Variants in FHIT observed in about 807,000 individuals in gnomAD.
FHIT encodes the protein bis(5'-adenosyl)-triphosphatase.
Under a neutral mutation model 17.9 loss-of-function variants are expected in FHIT, and 19 were observed. The ratio of observed to expected loss-of-function variants is 1.06; its 90% CI spans 0.74 to 1.56. The LOEUF is 1.56. FHIT is among the 40% of genes most tolerant of loss of function. FHIT has a pLI of 0.00. For missense variants in FHIT, 248 were observed against 189.2 expected, an observed-to-expected ratio of 1.31 and a Z score of -1.82; for synonymous variants, 81 against 69.7, an observed-to-expected ratio of 1.16 and a Z score of -0.81.
intron 5 of FHIT, among the ~76,000 whole-genome samples, chr3:60,432,909 A>C (rs953479): frequency 0.17 from 15,207 of 91,112 alleles, 1,255 homozygotes; most frequent in South Asian, 0.52. Context: ...ATTTGCTAGA[A>C]GAATTGTCTT....
chr3:60,761,122 A>C (rs1321384750), intron 4 of FHIT, among the ~76,000 whole-genome samples: 2 of 152,194 alleles, frequency 1.3e-5, no homozygotes, highest in Non-Finnish European at 2.9e-5. Context: ...ATTAAAATTT[A>C]AAATGTCCTG....
In FHIT at chr3:60,829,441, T is replaced by C. The variant is rs192516400; in HGVS notation, c.-110-7430A>G. Among the ~76,000 whole-genome samples, 11 of 152,358 alleles carry C rather than the reference T, an allele frequency of 7.2e-5. 1 individual carries two copies. The highest frequency in any genetic ancestry group is 3.4e-3 in the Middle Eastern group (1 of 294). The stretch of plus-strand genomic sequence containing the variant: ...TTTATTCCATGGGCCTACCAACTTA[T>C]ACTACTAAAGATGGCCATGTTTCTC... On this transcript the variant is annotated intron_variant, in intron 3 of 9. Coordinates refer to ENST00000492590, the MANE Select transcript of FHIT (RefSeq NM_002012.4).
intron 3 of FHIT, among the ~76,000 whole-genome samples, chr3:60,910,021 C>T (rs1706647652): frequency 6.6e-6 from 1 of 152,132 alleles, no homozygotes; most frequent in African/African-American, 2.4e-5. Context: ...TAGAAATGAA[C>T]ACCTATTATT....
At chr3:61,136,588 A>C (rs2036922208) in intron 2 of FHIT, among the ~76,000 whole-genome samples, 1 of 152,206 alleles carries the variant, frequency 6.6e-6, no homozygotes, top group African/African-American at 2.4e-5. Context: ...CCCTCAAAGA[A>C]CTGAATATCT....
At chr3:59,883,103 T>C (rs992671819) in intron 8 of FHIT, among the ~76,000 whole-genome samples, 7 of 152,184 alleles carry the variant, frequency 4.6e-5, no homozygotes, top group African/African-American at 1.7e-4. Context: ...CAAGAGCTGT[T>C]TGTATAATTT....
intron 5 of FHIT, among the ~76,000 whole-genome samples, chr3:60,092,344 T>A (rs1230603468): frequency 6.6e-6 from 1 of 152,212 alleles, no homozygotes; most frequent in Non-Finnish European, 1.5e-5. Flanking sequence ...CAAGTCAACT[T>A]CTTCATCTGG....
intron 8 of FHIT, among the ~76,000 whole-genome samples, chr3:59,843,494 T>C (rs557028011): frequency 4.7e-4 from 72 of 152,168 alleles, no homozygotes; most frequent in Middle Eastern, 3.2e-3. Context: ...GTTAAGTCTA[T>C]AGATCGCTTT....
intron 4 of FHIT, among the ~76,000 whole-genome samples, chr3:60,690,935 C>G (rs1388228857): frequency 6.6e-6 from 1 of 151,476 alleles, no homozygotes; most frequent in Non-Finnish European, 1.5e-5. Flanking sequence ...TATTTTGTAC[C>G]ATATAGTGTG....
intron 5 of FHIT, among the ~76,000 whole-genome samples, chr3:60,225,754 G>A (rs1020613251): frequency 3.3e-5 from 5 of 152,294 alleles, no homozygotes; most frequent in South Asian, 2.1e-4. Context: ...AAACTGCATT[G>A]TAACTGAAGA....
At chr3:61,105,801 G>T (rs1199732023) in intron 2 of FHIT, among the ~76,000 whole-genome samples, 1 of 152,156 alleles carries the variant, frequency 6.6e-6, no homozygotes, top group Non-Finnish European at 1.5e-5. Context: ...AAAAGGTCTG[G>T]TTCTTTCCTA....
chr3:60,991,200 C>G (rs1398187829), intron 3 of FHIT, among the ~76,000 whole-genome samples: 2 of 152,154 alleles, frequency 1.3e-5, no homozygotes, highest in African/African-American at 4.8e-5. Context: ...TGGAGAGGAG[C>G]ATTCCTGGCA....
chr3:59,898,081 T>C (rs775468530), intron 8 of FHIT, among the ~76,000 whole-genome samples: 6 of 152,136 alleles, frequency 3.9e-5, no homozygotes, highest in Non-Finnish European at 5.9e-5. Context: ...ATCTGAAACT[T>C]TTTGAGCACC....
At chr3:60,299,434 A>T (rs1034943713) in intron 5 of FHIT, among the ~76,000 whole-genome samples, 1 of 152,116 alleles carries the variant, frequency 6.6e-6, no homozygotes, top group African/African-American at 2.4e-5. Flanking sequence ...CCTTCATCTG[A>T]GAGTGTCTTG....
Position 60,014,063 on chromosome 3 carries a change from C to A in FHIT, c.193G>T (p.Val65Phe). 6.2e-7 allele frequency: 1 copy of A among 1,614,074 alleles called. No individual in the cohort carries two copies. The highest frequency in any genetic ancestry group is 1.3e-5 in the African/African-American group (1 of 75,032). Residue 65 changes from valine to phenylalanine, a missense_variant, in exon 6 of 10, where the codon GTC becomes TTC. Coordinates refer to ENST00000492590, the MANE Select transcript of FHIT (RefSeq NM_002012.4). ...VADLFQTTQR[V>F]GTVVEKHFHG... is the part of the protein sequence containing the mutation. ...AAATGTTTTTCCACCACTGTCCCGA[C>A]TCTCTGGGTCGTCTGAAACAAATCG...
chr3:60,376,868 T>A (rs1700583692), intron 5 of FHIT, among the ~76,000 whole-genome samples: 1 of 152,188 alleles, frequency 6.6e-6, no homozygotes, highest in African/African-American at 2.4e-5. Flanking sequence ...AATGGTGGCA[T>A]AGAGAAGTGG....
intron 5 of FHIT, among the ~76,000 whole-genome samples, chr3:60,127,000 G>A (rs1705581753): frequency 6.6e-6 from 1 of 152,114 alleles, no homozygotes; most frequent in Admixed American, 6.6e-5. Context: ...ATAAATGCAG[G>A]CAAGCAAGGG....
intron 3 of FHIT, among the ~76,000 whole-genome samples, chr3:61,022,160 G>A (rs143853362): frequency 0.073 from 11,110 of 152,062 alleles, 557 homozygotes; most frequent in Middle Eastern, 0.11. Context: ...ATGATAAAGG[G>A]GATATCACAA....
intron 5 of FHIT, among the ~76,000 whole-genome samples, chr3:60,299,790 G>A (rs1434078362): frequency 6.6e-6 from 1 of 152,114 alleles, no homozygotes; most frequent in East Asian, 1.9e-4. Flanking sequence ...ACATCCCAGT[G>A]ACGATAGTAG....
chr3:61,080,350 G>A (rs932077406), intron 2 of FHIT, among the ~76,000 whole-genome samples: 2 of 152,066 alleles, frequency 1.3e-5, no homozygotes, highest in South Asian at 2.1e-4. Flanking sequence ...CATCAAATCT[G>A]CCCTTCCTCC....
Sources: allele counts gnomAD v4.1 joint callset (sites outside exome capture counted in the v4.1 genomes callset), GRCh38; gene constraint gnomAD v4.1.1; transcripts MANE v1.5; gene names NCBI Gene and HGNC (gene_info 2026-07-23, HGNC 2026-07-21).